Variants in CDH18 observed in about 807,000 individuals in gnomAD.
CDH18 encodes cadherin-18.
In CDH18, 31 loss-of-function variants were observed where a neutral mutation model predicts 67.9. The ratio of observed to expected loss-of-function variants is 0.46; its 90% confidence interval spans 0.34 to 0.62. The LOEUF (loss-of-function observed/expected upper bound fraction) is 0.62. Ranked by LOEUF, CDH18 falls within the 20% of genes least tolerant of loss-of-function variation. The probability of loss-of-function intolerance (pLI) is 0.01; values close to 1 mark genes in which losing one functional copy is unlikely to be tolerated. For missense variants in CDH18, 890 were observed against 975.5 expected (o/e 0.91, Z 1.17); for synonymous variants, 362 against 347.2 (o/e 1.04, Z -0.48).
chr5:19,782,500 C>T (rs183935350), intron 3 of CDH18, among the ~76,000 whole-genome samples: 1 of 151,988 alleles, frequency 6.6e-6, no homozygotes, highest in Non-Finnish European at 1.5e-5. Context: ...TGTAGTGTGG[C>T]TTGGTGGATT....
At chr5:19,671,179 G>A (rs116275581) in intron 5 of CDH18, among the ~76,000 whole-genome samples, 1 of 151,986 alleles carries the variant, frequency 6.6e-6, no homozygotes, top group South Asian at 2.1e-4. Context: ...AAAGTTCAGG[G>A]ACAGGGACTG....
chr5:20,113,818 G>A (rs920679988), intron 2 of CDH18, among the ~76,000 whole-genome samples: 4 of 152,184 alleles, frequency 2.6e-5, no homozygotes, highest in African/African-American at 9.7e-5. Flanking sequence ...AGAACATGTG[G>A]AGATGGCAGG....
intron 1 of CDH18, 114 bp downstream of exon 1, chr5:19,987,972 G>A (rs1205021011): frequency 3.3e-5 from 5 of 152,178 alleles, no homozygotes; most frequent in Non-Finnish European, 5.9e-5. Context: ...AAACCCATCG[G>A]AGATGAAGAT....
At chr5:19,927,513 A>C (rs1056331689) in intron 2 of CDH18, among the ~76,000 whole-genome samples, 2 of 152,150 alleles carry the variant, frequency 1.3e-5, no homozygotes, top group Non-Finnish European at 2.9e-5. Flanking sequence ...ATGTATATAG[A>C]CAGTACCTTA....
intron 2 of CDH18, among the ~76,000 whole-genome samples, chr5:20,022,301 T>A (rs1738499582): frequency 6.6e-6 from 1 of 152,184 alleles, no homozygotes; most frequent in Admixed American, 6.5e-5. Context: ...AGGAAGTAGC[T>A]GGTAAGGTTT....
chr5:20,456,214 A>T (rs1487234432), intron 1 of CDH18, among the ~76,000 whole-genome samples: 2 of 152,136 alleles, frequency 1.3e-5, no homozygotes, highest in African/African-American at 2.4e-5. Flanking sequence ...AATTTTGGAG[A>T]TTTACTAAAT....
chr5:19,922,279 G>A (rs1792576342), intron 2 of CDH18, among the ~76,000 whole-genome samples: 1 of 152,132 alleles, frequency 6.6e-6, no homozygotes, highest in Non-Finnish European at 1.5e-5. Context: ...TTCTGCTTTA[G>A]CTAGGTGAAC....
chr5:20,514,724 G>T (rs1755256783), intron 1 of CDH18, among the ~76,000 whole-genome samples: 2 of 152,056 alleles, frequency 1.3e-5, no homozygotes, highest in South Asian at 4.1e-4. Context: ...GCCACAAGGT[G>T]ATACATTGCT....
intron 1 of CDH18, among the ~76,000 whole-genome samples, chr5:20,433,885 C>T (rs186469483): frequency 8.3e-4 from 127 of 152,112 alleles, no homozygotes; most frequent in African/African-American, 2.7e-3. Context: ...AGAGTAGAAA[C>T]GTGTATACTC....
chr5:19,957,948 T>C (rs1796415755), intron 2 of CDH18, among the ~76,000 whole-genome samples: 2 of 152,196 alleles, frequency 1.3e-5, no homozygotes, highest in Non-Finnish European at 1.5e-5. Context: ...ATCACATTGA[T>C]GAGTGCCTTT....
intron 1 of CDH18, among the ~76,000 whole-genome samples, chr5:20,269,316 T>C (rs1271835482): frequency 6.6e-6 from 1 of 151,178 alleles, no homozygotes; most frequent in African/African-American, 2.4e-5. Context: ...GAAAACAGTA[T>C]TGATATTTAT....
rs1561786798 is a variant in CDH18, at chr5:20,095,608, A to AAAGAAAGAAAGAAGAAAG, written c.-517-103595_-517-103594insCTTTCTTCTTTCTTTCTT. 2.9e-5 allele frequency among the ~76,000 whole-genome samples: 4 copies of AAAGAAAGAAAGAAGAAAG among 139,832 alleles called. No individual in the cohort carries two copies. The Admixed American group carries it at 2.9e-4, about 10-fold the overall frequency. The allele number at this position is 139,832 out of a possible 152,430, so 91.7% of individuals were successfully genotyped here. A position where few individuals can be genotyped will look rare whatever the true frequency, so the allele number is the denominator to read the frequency against. On this transcript the variant is annotated intron_variant, in intron 2 of 14. Coordinates refer to the CDH18 transcript ENST00000507958. ...AGAAAGGAAGAAAGAAGAAAGAAAG[A>AAAGAAAGAAAGAAGAAAG]AAAGAAAAGAAAAGAAAGAAAGGCA...
chr5:19,781,058 G>C (rs76310732), intron 3 of CDH18, among the ~76,000 whole-genome samples: 1 of 151,954 alleles, frequency 6.6e-6, no homozygotes, highest in African/African-American at 2.4e-5. Flanking sequence ...TCTAATATGC[G>C]TAAGGCCAGA....
At position 19,550,615 on chromosome 5, in the gene CDH18, A is replaced by G. The variant is rs564044301; in HGVS notation, c.1254-6610T>C. ...AATTCATCATTTTTTATGGCTGCAT[A>G]GTATTCCATGGAGTATATGTGCCAC... On this transcript the variant is annotated intron_variant, in intron 8 of 12. Transcript: ENST00000382275. Among the ~76,000 whole-genome samples the G allele has an allele frequency of 5.4e-4, 83 of 152,306 alleles. 1 individual carries two copies. The highest frequency in any genetic ancestry group is 1.9e-3 in the African/African-American group (81 of 41,564).
intron 2 of CDH18, among the ~76,000 whole-genome samples, chr5:20,213,304 T>C (rs1478887501): frequency 6.6e-6 from 1 of 152,146 alleles, no homozygotes; most frequent in Non-Finnish European, 1.5e-5. Flanking sequence ...CGGGCACAGA[T>C]TGTGGTCTCT....
At chr5:19,796,874 A>C (rs1776912588) in intron 3 of CDH18, among the ~76,000 whole-genome samples, 1 of 152,030 alleles carries the variant, frequency 6.6e-6, no homozygotes, top group Non-Finnish European at 1.5e-5. Flanking sequence ...CCCTAAAGCA[A>C]CCACAGTGAG....
intron 1 of CDH18, among the ~76,000 whole-genome samples, chr5:20,339,089 A>G (rs566024766): frequency 6.6e-6 from 1 of 152,170 alleles, no homozygotes; most frequent in African/African-American, 2.4e-5. Flanking sequence ...AAGCAGACTA[A>G]GAGATGCCTT....
intron 1 of CDH18, among the ~76,000 whole-genome samples, chr5:20,532,840 T>C (rs1651440): frequency 6.6e-6 from 1 of 151,754 alleles, no homozygotes; most frequent in Admixed American, 6.6e-5. Context: ...GTTTTACATC[T>C]TTTTGTAGGG....
intron 1 of CDH18, among the ~76,000 whole-genome samples, chr5:20,402,173 A>C (rs1745828172): frequency 6.6e-6 from 1 of 152,102 alleles, no homozygotes; most frequent in Non-Finnish European, 1.5e-5. Flanking sequence ...TCTACATGTA[A>C]CCTACTCAGA....
Sources: gnomAD v4.1 joint callset for allele counts (sites outside exome capture counted in the v4.1 genomes callset) on GRCh38, gnomAD v4.1.1 for gene constraint, MANE v1.5 for transcripts, NCBI Gene and HGNC (gene_info 2026-07-23, HGNC 2026-07-21) for gene names.